NCAM1: variants seen among roughly 807,000 people sequenced by gnomAD.
NCAM1 encodes the protein neural cell adhesion molecule 1, also known as antigen recognized by monoclonal antibody 5.1H11.
In NCAM1, 14 loss-of-function variants were observed where a neutral mutation model predicts 109.8. The ratio of observed to expected loss-of-function variants is 0.13; its 90% CI spans 0.08 to 0.20. NCAM1 has a LOEUF of 0.20. Among genes scored for constraint, NCAM1 ranks in the 10% least tolerant of loss-of-function variants. The pLI, the probability that NCAM1 is intolerant of heterozygous loss-of-function variation, is 1.00. For missense variants in NCAM1, 774 were observed against 1,109.9 expected (o/e 0.70, Z 4.30); for synonymous variants, 418 against 442.9 (o/e 0.94, Z 0.70).
intron 1 of NCAM1, chr11:113,133,857 TTAA>T (rs1555098835): frequency 6.6e-6 from 1 of 152,208 alleles, no homozygotes; most frequent in African/African-American, 2.4e-5. Context: ...AATGAGTTCA[TTAA>T]ATATGTGTCA....
intron 18 of NCAM1, 74 bp from the exon 19 acceptor site, chr11:113,271,686 G>C: frequency 1.7e-6 from 2 of 1,182,994 alleles, no homozygotes; most frequent in Non-Finnish European, 2.4e-6. Flanking sequence ...CTTGGGTTGA[G>C]TCATAGCTGC....
chr11:113,054,333 T>C (rs2135427434), intron 1 of NCAM1, among the ~76,000 whole-genome samples: 1 of 152,280 alleles, frequency 6.6e-6, no homozygotes, highest in Non-Finnish European at 1.5e-5. Flanking sequence ...TCAGCCAGTA[T>C]AGTGCCAGGG....
rs979356421 is a variant in NCAM1, at chr11:112,992,661, C to T, written c.52+30997C>T. Among the ~76,000 whole-genome samples, 13 of 151,818 alleles carry T rather than the reference C, an allele frequency of 8.6e-5. No individual in the cohort carries two copies. In the East Asian group the frequency reaches 1.2e-3, roughly 14 times the overall value. On this transcript the variant is annotated intron_variant, in intron 1 of 19. Transcript: ENST00000316851. ...GACTACAGGCGCCCGCCACCATGCC[C>T]GGCTAATTTTTTTATTTTTGTATTT...
intron 1 of NCAM1, among the ~76,000 whole-genome samples, chr11:112,995,268 A>G (rs1432139404): frequency 6.6e-6 from 1 of 152,122 alleles, no homozygotes; most frequent in African/African-American, 2.4e-5. Context: ...ATACACATCC[A>G]CCTTACTTTG....
intron 1 of NCAM1, among the ~76,000 whole-genome samples, chr11:112,983,051 T>C (rs999324258): frequency 9.9e-5 from 15 of 151,958 alleles, no homozygotes; most frequent in Non-Finnish European, 1.5e-4. Flanking sequence ...GTAATAGTTA[T>C]TAAAAAGTGG....
chr11:113,179,070 G>C (rs1943254671), intron 1 of NCAM1, among the ~76,000 whole-genome samples: 1 of 152,208 alleles, frequency 6.6e-6, no homozygotes. Flanking sequence ...TTGGTAGCTT[G>C]AAATTTCACG....
intron 1 of NCAM1, among the ~76,000 whole-genome samples, chr11:112,968,214 TTTTA>T (rs1229223294): frequency 6.6e-6 from 1 of 152,220 alleles, no homozygotes; most frequent in Non-Finnish European, 1.5e-5. Flanking sequence ...AGTATTTCAC[TTTTA>T]TTTGACAGAA....
At chr11:113,188,310 A>G (rs1208835618) in intron 1 of NCAM1, among the ~76,000 whole-genome samples, 1 of 152,202 alleles carries the variant, frequency 6.6e-6, no homozygotes, top group Non-Finnish European at 1.5e-5. Context: ...TGAGACCCTG[A>G]GAACCTCAAA....
intron 1 of NCAM1, among the ~76,000 whole-genome samples, chr11:113,009,311 G>GGTTTTTTTGTTGTTGTT: frequency 1.1e-5 from 1 of 90,354 alleles, no homozygotes; most frequent in Admixed American, 1.2e-4. Flanking sequence ...GGTTTTTTCG[G>GGTTTTTTTGTTGTTGTT]GTTTTTTTTT....
chr11:113,016,783 G>A (rs1952216888), intron 1 of NCAM1, among the ~76,000 whole-genome samples: 1 of 152,206 alleles, frequency 6.6e-6, no homozygotes, highest in Non-Finnish European at 1.5e-5. Context: ...TGCTCTCACA[G>A]TCAGGGCAGG....
intron 1 of NCAM1, among the ~76,000 whole-genome samples, chr11:113,032,830 C>T (rs1201717289): frequency 6.6e-6 from 1 of 152,134 alleles, no homozygotes; most frequent in Admixed American, 6.5e-5. Context: ...TGATTATTTT[C>T]TTATACTTAG....
chr11:113,205,816 T>A, intron 4 of NCAM1, 150 bp downstream of exon 4: 1 of 1,204,964 alleles, frequency 8.3e-7, no homozygotes, highest in Non-Finnish European at 1.2e-6. Flanking sequence ...GATGCATATC[T>A]GAAGTTGGTA....
intron 17 of NCAM1, among the ~76,000 whole-genome samples, chr11:113,262,060 G>T (rs1197641478): frequency 6.6e-6 from 1 of 152,176 alleles, no homozygotes; most frequent in Non-Finnish European, 1.5e-5. Context: ...GATCTGAGAA[G>T]GTGGTGGCTG....
chr11:113,105,669 A>G (rs1940122999), intron 1 of NCAM1, among the ~76,000 whole-genome samples: 1 of 152,256 alleles, frequency 6.6e-6, no homozygotes, highest in Non-Finnish European at 1.5e-5. Context: ...GATAAAAATG[A>G]CCACATAGTG....
chr11:113,073,060 G>A (rs1211412899), intron 1 of NCAM1, among the ~76,000 whole-genome samples: 1 of 152,050 alleles, frequency 6.6e-6, no homozygotes, highest in African/African-American at 2.4e-5. Flanking sequence ...TCTGTCTCTA[G>A]GAACTCAATT....
chr11:113,194,712 A>G (rs1357634698), intron 1 of NCAM1, among the ~76,000 whole-genome samples: 7 of 152,132 alleles, frequency 4.6e-5, no homozygotes, highest in Non-Finnish European at 7.4e-5. Context: ...CGCCTCTGCT[A>G]TGCACTAATG....
intron 1 of NCAM1, among the ~76,000 whole-genome samples, chr11:113,043,728 C>T (rs782435384): frequency 6.6e-6 from 1 of 152,178 alleles, no homozygotes; most frequent in Non-Finnish European, 1.5e-5. Context: ...AGCATTCCCT[C>T]CTCAGAGTCT....
Position 113,204,468 on chromosome 11 carries a change from A to G in NCAM1, c.310A>G (p.Ser104Gly). 1 of 1,614,024 alleles carries G rather than the reference A, an allele frequency of 6.2e-7. No individual in the cohort carries two copies. The highest frequency in any genetic ancestry group is 8.5e-7 in the Non-Finnish European group (1 of 1,179,886). ...YKCVVTGEDGSESEATVNVKI... is the reference protein window; with the variant it reads ...YKCVVTGEDGGESEATVNVKI... ...GTGTGTGGTTACAGGCGAGGATGGCAGTGAGTCAGAGGCCACCGTCAACGT... is the reference window on the plus strand; with the variant it reads ...GTGTGTGGTTACAGGCGAGGATGGCGGTGAGTCAGAGGCCACCGTCAACGT... Residue 104 changes from serine to glycine, a missense_variant, in exon 3 of 20, where the codon AGT (serine) becomes GGT (glycine). This residue lies in a region of NCAM1 where 112 missense variants were observed against 142.0 expected (regional missense o/e 0.79). Coordinates refer to ENST00000316851, the MANE Select transcript of NCAM1 (RefSeq NM_181351.5).
chr11:113,007,627 C>T (rs1437478254), intron 1 of NCAM1, among the ~76,000 whole-genome samples: 3 of 152,194 alleles, frequency 2.0e-5, no homozygotes, highest in African/African-American at 4.8e-5. Context: ...TGGCATCTTA[C>T]AGTTACTCAG....
Sources: gnomAD v4.1 joint callset for allele counts (sites outside exome capture counted in the v4.1 genomes callset) on GRCh38, gnomAD v4.1.1 for gene constraint, gnomAD v4.1.1 regional missense constraint, MANE v1.5 for transcripts, NCBI Gene and HGNC (gene_info 2026-07-23, HGNC 2026-07-21) for gene names.